ADAMTSL1: variants seen among roughly 807,000 people sequenced by gnomAD.
ADAMTSL1 encodes ADAMTS-like protein 1.
A neutral mutation model predicts 201.8 loss-of-function variants in ADAMTSL1; 126 were observed. That is an observed-to-expected ratio of 0.62 (90% CI 0.54 to 0.72). The LOEUF (loss-of-function observed/expected upper bound fraction) is 0.72, where lower values mean the gene tolerates loss of function less well. Among genes scored for constraint, ADAMTSL1 ranks in the 30% least tolerant of loss-of-function variants. The pLI is 0.00. For synonymous variants in ADAMTSL1, 1,121 were observed against 903.4 expected, an observed-to-expected ratio of 1.24 and a Z score of -4.32; for missense variants, 2,679 against 2,277.8, an observed-to-expected ratio of 1.18 and a Z score of -3.59.
intron 2 of ADAMTSL1, among the ~76,000 whole-genome samples, chr9:18,343,242 T>C (rs1357628827): frequency 6.6e-6 from 1 of 152,148 alleles, no homozygotes; most frequent in Non-Finnish European, 1.5e-5. Flanking sequence ...CTTTCTCTTT[T>C]AGGAAAGCTC....
At chr9:18,852,624 G>T (rs568076447) in intron 23 of ADAMTSL1, among the ~76,000 whole-genome samples, 9 of 152,038 alleles carry the variant, frequency 5.9e-5, no homozygotes, top group Non-Finnish European at 1.2e-4. Context: ...GCCTATCTCC[G>T]AAAAATTAAT....
chr9:18,689,826 A>G (rs1831104992), intron 13 of ADAMTSL1, among the ~76,000 whole-genome samples: 1 of 152,210 alleles, frequency 6.6e-6, no homozygotes, highest in Admixed American at 6.5e-5. Context: ...TTTCAAAGGT[A>G]GGATTGGGTA....
rs533024094 is a variant in ADAMTSL1, at chr9:18,693,205, A to C, written c.1574+8405A>C. 9.9e-5 allele frequency among the ~76,000 whole-genome samples: 15 copies of C among 152,276 alleles called. No individual in the cohort carries two copies. The South Asian group carries it at 3.1e-3, about 32-fold the overall frequency. ...CAGTGTTTGACCAGAGTCCTGTAAA[A>C]ATTATTGAAGTCAGCATCTGTCTCA... is the stretch of plus-strand genomic sequence containing the variant. On this transcript the variant is annotated intron_variant, in intron 13 of 28. Transcript: ENST00000380548.
chr9:18,426,678 CG>C (rs1563953290), intron 2 of ADAMTSL1, among the ~76,000 whole-genome samples: 1 of 151,834 alleles, frequency 6.6e-6, no homozygotes, highest in African/African-American at 2.4e-5. Context: ...GCTCTGAGCC[CG>C]GGGGGTTGCA....
intron 8 of ADAMTSL1, among the ~76,000 whole-genome samples, chr9:18,659,572 C>A (rs1225712112): frequency 1.3e-5 from 2 of 152,174 alleles, no homozygotes; most frequent in Non-Finnish European, 2.9e-5. Flanking sequence ...CGAGACCAGT[C>A]TGGCCAACAT....
chr9:18,661,936 T>A lies in ADAMTSL1; in HGVS notation c.948T>A (p.Gly316=). The A allele has an allele frequency of 6.2e-7, 1 of 1,612,448 alleles. No homozygotes were observed. Among genetic ancestry groups the A allele is most frequent in the Non-Finnish European group, 8.5e-7 (1 of 1,179,436 alleles). Residue 316 remains glycine, a splice_region_variant and synonymous_variant, in exon 9 of 29, where the codon GGT becomes GGA. Transcript: ENST00000380548. ...FFPCSATCGG[G]YQLTSAECYD... is the part of the protein sequence containing the mutation. The stretch of plus-strand genomic sequence containing the variant: ...TGCCTGGATGGTTTGATACTACAGG[T>A]TATCAGCTGACATCGGCTGAGTGCT...
intron 2 of ADAMTSL1, among the ~76,000 whole-genome samples, chr9:18,310,386 A>AAAAAAAAAAAAAAAAAAAAAAAAAAAAT (rs1834092678): frequency 6.9e-6 from 1 of 145,094 alleles, no homozygotes; most frequent in Non-Finnish European, 1.5e-5. Flanking sequence ...AAAAAAAAAA[A>AAAAAAAAAAAAAAAAAAAAAAAAAAAAT]AAAAAAAAAA....
chr9:18,476,687 T>C (rs1821471723), intron 1 of ADAMTSL1, among the ~76,000 whole-genome samples: 1 of 152,184 alleles, frequency 6.6e-6, no homozygotes, highest in South Asian at 2.1e-4. Flanking sequence ...TTTGTTTTTG[T>C]TTTCATTTAC....
intron 1 of ADAMTSL1, among the ~76,000 whole-genome samples, chr9:18,064,008 C>T (rs1055025546): frequency 1.3e-5 from 2 of 152,044 alleles, no homozygotes; most frequent in Non-Finnish European, 1.5e-5. Flanking sequence ...TTCATGGCAC[C>T]ATGCATATTT....
At chr9:18,723,871 T>A (rs979528141) in intron 15 of ADAMTSL1, 1 of 152,184 alleles carries the variant, frequency 6.6e-6, no homozygotes, top group Non-Finnish European at 1.5e-5. Flanking sequence ...CTCCTTCCCT[T>A]CTCCTGGTGT....
At position 18,498,016 on chromosome 9, in the gene ADAMTSL1, G is replaced by A. The variant is rs188721622; in HGVS notation, c.64-6813G>A. ...GTCCCAGGACGAGAAGGAATTCTGAGGACAAAATAATTTTTTAGAAGAAAA... is the reference window on the plus strand; with the variant it reads ...GTCCCAGGACGAGAAGGAATTCTGAAGACAAAATAATTTTTTAGAAGAAAA... On this transcript the variant is annotated intron_variant, in intron 1 of 28. Transcript: ENST00000380548. Among the ~76,000 whole-genome samples the A allele has an allele frequency of 3.9e-4, 60 of 152,034 alleles. No individual in the cohort carries two copies. The East Asian group carries it at 0.011, about 27-fold the overall frequency.
chr9:18,730,386 T>C (rs1212409963), intron 15 of ADAMTSL1, among the ~76,000 whole-genome samples: 1 of 152,278 alleles, frequency 6.6e-6, no homozygotes, highest in Non-Finnish European at 1.5e-5. Context: ...TCCAGTAATC[T>C]GGCCGATACA....
At chr9:18,206,896 G>A (rs751881713) in intron 2 of ADAMTSL1, among the ~76,000 whole-genome samples, 11 of 152,134 alleles carry the variant, frequency 7.2e-5, no homozygotes, top group Non-Finnish European at 2.9e-5. Context: ...TGGCACGGTG[G>A]CTCACATCTG....
At chr9:18,084,861 A>G (rs1191426255) in intron 1 of ADAMTSL1, among the ~76,000 whole-genome samples, 5 of 152,192 alleles carry the variant, frequency 3.3e-5, no homozygotes, top group African/African-American at 9.7e-5. Context: ...AGTAAAATAT[A>G]TATCTTGTCA....
chr9:18,249,388 T>A (rs1831380290), intron 2 of ADAMTSL1, among the ~76,000 whole-genome samples: 1 of 152,176 alleles, frequency 6.6e-6, no homozygotes, highest in Admixed American at 6.5e-5. Context: ...AAGAGTCTTT[T>A]GAATTTGATA....
chr9:18,684,893 A>T, intron 13 of ADAMTSL1, 93 bp downstream of exon 13: 1 of 1,483,780 alleles, frequency 6.7e-7, no homozygotes, highest in Middle Eastern at 1.8e-4. Context: ...TGGGTTCTGA[A>T]CTAAGTGTAA....
At chr9:18,055,622 C>T (rs191779808) in intron 1 of ADAMTSL1, among the ~76,000 whole-genome samples, 4 of 152,198 alleles carry the variant, frequency 2.6e-5, no homozygotes, top group Middle Eastern at 3.2e-3. Context: ...GTAACAACCA[C>T]GAGGAGTCGT....
chr9:17,976,263 A>G (rs975110169), intron 1 of ADAMTSL1, among the ~76,000 whole-genome samples: 12 of 151,990 alleles, frequency 7.9e-5, no homozygotes, highest in African/African-American at 2.9e-4. Context: ...AGTTTTAAAA[A>G]GCCAGTGAGA....
chr9:18,062,859 T>C (rs1822522134), intron 1 of ADAMTSL1, among the ~76,000 whole-genome samples: 1 of 152,212 alleles, frequency 6.6e-6, no homozygotes, highest in Non-Finnish European at 1.5e-5. Flanking sequence ...ATTAAACAGA[T>C]ACTTGCTAAC....
Sources: allele counts gnomAD v4.1 joint callset (sites outside exome capture counted in the v4.1 genomes callset), GRCh38; gene constraint gnomAD v4.1.1; transcripts MANE v1.5; gene names NCBI Gene and HGNC (gene_info 2026-07-23, HGNC 2026-07-21).